The following NEB variants were observed in gnomAD, a reference collection of about 807,000 sequenced individuals.
The protein encoded by NEB is nemaline myopathy type 2.
In NEB, 512 loss-of-function variants were observed where a neutral mutation model predicts 952.2. That is an observed-to-expected ratio of 0.54 (90% CI 0.50 to 0.58). NEB has a LOEUF of 0.58. Among genes scored for constraint, NEB ranks in the 20% least tolerant of loss-of-function variants. The pLI is 0.00. For synonymous variants in NEB, 2,900 were observed against 3,149.8 expected, an observed-to-expected ratio of 0.92 and a Z score of 2.66; for missense variants, 8,428 against 9,231.1, an observed-to-expected ratio of 0.91 and a Z score of 3.56.
In NEB at chr2:151,695,583, T is replaced by C. The variant is rs767527986; in HGVS notation, c.1669A>G (p.Ser557Gly). Residue 557 changes from serine (S) to glycine (G), a missense_variant, in exon 18 of 182, where the codon AGT becomes GGT. Physicochemically the swap from Ser to Gly is moderately conservative, Grantham distance 56 (BLOSUM62 0). This residue lies in a region of NEB where 2,851 missense variants were observed against 2,791.5 expected (regional missense o/e 1.02). Coordinates refer to ENST00000397345, the MANE Select transcript of NEB (RefSeq NM_001164508.2). ...ACAGGGCATAAGGAACTTACATCACTCAAGTTATAGGCATTGACTTTGTGC... is the reference window on the plus strand; with the variant it reads ...ACAGGGCATAAGGAACTTACATCACCCAAGTTATAGGCATTGACTTTGTGC... Reference protein sequence around the residue: ...IQHKVNAYNLSDNLYKQDWEK... With the variant: ...IQHKVNAYNLGDNLYKQDWEK... 29 of 1,612,324 alleles carry C rather than the reference T, an allele frequency of 1.8e-5. No individual in the cohort carries two copies. Among genetic ancestry groups the C allele is most frequent in the Non-Finnish European group, 2.5e-5 (29 of 1,178,550 alleles).
chr2:151,697,510 T>C (rs773669136), intron 14 of NEB, 34 bp downstream of exon 14: 1 of 1,607,836 alleles, frequency 6.2e-7, no homozygotes, highest in African/African-American at 1.3e-5. Context: ...TGGGTTCTTT[T>C]TTTAACAGAA....
chr2:151,540,588 C>G (rs941481734), intron 137 of NEB, 109 bp downstream of exon 137: 3 of 1,141,558 alleles, frequency 2.6e-6, no homozygotes, highest in African/African-American at 3.1e-5. Context: ...TTTGATGATG[C>G]TGAGCACCAT....
Position 151,666,266 on chromosome 2 carries a change from C to T in NEB, c.4855G>A (p.Glu1619Lys). 1 of 1,613,972 alleles carries T rather than the reference C, an allele frequency of 6.2e-7. No individual in the cohort carries two copies. The highest frequency in any genetic ancestry group is 1.6e-4 in the Middle Eastern group (1 of 6,062). Residue 1619 changes from glutamate (E) to lysine (K), a missense_variant, in exon 41 of 182, where the codon GAA becomes AAA. Physicochemically the swap from Glu to Lys is moderately conservative, Grantham distance 56 (BLOSUM62 1). Around this residue, in one of 11 missense-constraint regions of NEB, gnomAD observed 2,851 missense variants for 2,791.5 expected, o/e 1.02. Coordinates refer to ENST00000397345, the MANE Select transcript of NEB (RefSeq NM_001164508.2). Reference sequence around the variant, plus strand: ...GTGTGGTACTTGGTCTTGCTGGCTTCATAGCCCTTTTTGTACTCACGATCA... The same window carrying T: ...GTGTGGTACTTGGTCTTGCTGGCTTTATAGCCCTTTTTGTACTCACGATCA... ...QSDREYKKGY[E>K]ASKTKYHTPL...
intron 170 of NEB, 126 bp downstream of exon 170, chr2:151,498,134 C>A (rs1170210738): frequency 2.0e-6 from 3 of 1,524,178 alleles, no homozygotes; most frequent in Non-Finnish European, 1.8e-6. Flanking sequence ...AAAGTATATC[C>A]TTTTGTAATA....
intron 36 of NEB, among the ~76,000 whole-genome samples, chr2:151,674,146 A>C (rs900187189): frequency 6.6e-6 from 1 of 152,192 alleles, no homozygotes; most frequent in Non-Finnish European, 1.5e-5. Context: ...TAATGCAGGC[A>C]GTCATTTGAA....
intron 4 of NEB, among the ~76,000 whole-genome samples, chr2:151,729,398 G>A (rs1387655751): frequency 6.6e-6 from 1 of 152,182 alleles, no homozygotes; most frequent in Non-Finnish European, 1.5e-5. Context: ...ACCACCCCCT[G>A]CCATCTTGCG....
intron 130 of NEB, 45 bp downstream of exon 130, chr2:151,549,591 C>T (rs903796984): frequency 7.8e-7 from 1 of 1,280,286 alleles, no homozygotes; most frequent in Non-Finnish European, 1.1e-6. Flanking sequence ...GAGTCTCCTG[C>T]CACCCCACCT....
Position 151,563,931 on chromosome 2 carries a change from C to G in NEB, c.18472-1G>C, listed in dbSNP as rs1203257517. The G allele has an allele frequency of 6.9e-6, 11 of 1,591,472 alleles. No homozygotes were observed. The highest frequency in any genetic ancestry group is 9.4e-6 in the Non-Finnish European group (11 of 1,168,424). ...CCTCCCACGCCCCTTTATACAGTAT[C>G]TAGAACAAAGAAATACATGGCAACA... On this transcript the variant is annotated splice_acceptor_variant, in intron 117 of 181. Coordinates refer to ENST00000397345, the MANE Select transcript of NEB (RefSeq NM_001164508.2). LOFTEE classifies it high-confidence loss of function.
At chr2:151,512,966 A>G in intron 160 of NEB, 129 bp from the exon 161 acceptor site, 1 of 658,840 alleles carries the variant, frequency 1.5e-6, no homozygotes, top group Non-Finnish European at 2.7e-6. Context: ...TTCAACAGAT[A>G]TTTCTTCCTA....
At position 151,680,842 on chromosome 2, in the gene NEB, C is replaced by A; in HGVS notation, c.2944-14G>T. The A allele has an allele frequency of 6.4e-7, 1 of 1,573,552 alleles. No homozygotes were observed. Among genetic ancestry groups the A allele is most frequent in the Middle Eastern group, 1.7e-4 (1 of 5,976 alleles). Reference sequence around the variant, plus strand: ...GCGATATTTTTTCTGTTTGGCAAATCAAAAAGAGAAAAACAATCTTGTTTT... The same window carrying A: ...GCGATATTTTTTCTGTTTGGCAAATAAAAAAGAGAAAAACAATCTTGTTTT... On this transcript the variant is annotated splice_polypyrimidine_tract_variant and intron_variant, in intron 29 of 181. Transcript: ENST00000397345.
intron 109 of NEB, among the ~76,000 whole-genome samples, chr2:151,569,875 A>G (rs182495892): frequency 6.6e-6 from 1 of 152,352 alleles, no homozygotes; most frequent in African/African-American, 2.4e-5. Flanking sequence ...TAAGACCTGT[A>G]TTCATACTAC....
rs2098920914 is a variant in NEB at position 151,643,970 on chromosome 2, T to C, written c.7804A>G (p.Ser2602Gly). ...ACCACCCCCAGCATGTCCACTGGGCTGCTGAACTTGGTCTTCCACTTCTCA... is the reference window on the plus strand; with the variant it reads ...ACCACCCCCAGCATGTCCACTGGGCCGCTGAACTTGGTCTTCCACTTCTCA... ...DFEKWKTKFS[S>G]PVDMLGVVLA... Residue 2602 changes from serine (S) to glycine (G), a missense_variant, in exon 57 of 182, where the codon AGC (serine) becomes GGC (glycine). This residue lies in a region of NEB where 1,772 missense variants were observed against 1,960.3 expected (regional missense o/e 0.90). Coordinates refer to ENST00000397345, the MANE Select transcript of NEB (RefSeq NM_001164508.2). The C allele has an allele frequency of 1.9e-6, 3 of 1,613,986 alleles. No individual in the cohort carries two copies. Among genetic ancestry groups the C allele is most frequent in the South Asian group, 1.1e-5 (1 of 91,082 alleles).
At chr2:151,559,778 T>C (rs1198710849) in intron 124 of NEB, among the ~76,000 whole-genome samples, 4 of 151,986 alleles carry the variant, frequency 2.6e-5, no homozygotes, top group Non-Finnish European at 1.5e-5. Context: ...CATCACACAC[T>C]GGGTCCTCTC....
chr2:151,685,529 A>G (rs985177716), intron 27 of NEB, among the ~76,000 whole-genome samples: 1 of 152,178 alleles, frequency 6.6e-6, no homozygotes, highest in Non-Finnish European at 1.5e-5. Flanking sequence ...TATCAAGTTC[A>G]ATTGGGGCAA....
Position 151,615,960 on chromosome 2 carries a change from C to T in NEB, c.11289+42G>A, listed in dbSNP as rs2098180210. ...AACTCTAAAAGCTTCTATTTGTCAA[C>T]ATCTTTGAATAAGAAATGGCTTTTC... On this transcript the variant is annotated intron_variant, in intron 76 of 181. Coordinates refer to ENST00000397345, the MANE Select transcript of NEB (RefSeq NM_001164508.2). 2.8e-6 allele frequency: 4 copies of T among 1,436,078 alleles called. No homozygotes were observed. In the East Asian group the frequency reaches 6.9e-5, roughly 25 times the overall value. 89.0% of individuals were successfully genotyped at this position (1,436,078 alleles called of 1,614,324 possible).
At position 151,724,703 on chromosome 2, in the gene NEB, T is replaced by C. The variant is rs111411188; in HGVS notation, c.507+154A>G. ...ATAGGTTCTACAGGCCACTCAGTCA[T>C]CTGTGCAGCCTCCTTGATGAATACA... On this transcript the variant is annotated intron_variant, in intron 7 of 181. Transcript: ENST00000397345. 3.3e-3 allele frequency among the ~76,000 whole-genome samples: 506 copies of C among 152,276 alleles called. 2 individuals carry two copies. Among genetic ancestry groups the C allele is most frequent in the African/African-American group, 0.012 (486 of 41,558 alleles).
chr2:151,569,498 G>A (rs888634705), intron 109 of NEB, 126 bp from the exon 110 acceptor site: 12 of 722,228 alleles, frequency 1.7e-5, no homozygotes, highest in Non-Finnish European at 1.5e-5. Context: ...TACTCAAGCA[G>A]CCACGCAGGT....
chr2:151,578,165 G>T (rs2096947790), intron 105 of NEB, among the ~76,000 whole-genome samples: 1 of 152,130 alleles, frequency 6.6e-6, no homozygotes, highest in Non-Finnish European at 1.5e-5. Context: ...TTCTATACAG[G>T]AAATAAATAA....
At chr2:151,680,110 T>C (rs2099403333) in intron 30 of NEB, 88 bp from the exon 31 acceptor site, 1 of 979,662 alleles carries the variant, frequency 1.0e-6, no homozygotes, top group Non-Finnish European at 1.6e-6. Context: ...TGGATCATAT[T>C]TCACAGAGGT....
Sources: gnomAD v4.1 joint callset for allele counts (sites outside exome capture counted in the v4.1 genomes callset) on GRCh38, gnomAD v4.1.1 for gene constraint, gnomAD v4.1.1 regional missense constraint, MANE v1.5 for transcripts, NCBI Gene and HGNC (gene_info 2026-07-23, HGNC 2026-07-21) for gene names.